TRAPPC9: variants seen among roughly 807,000 people sequenced by gnomAD.
TRAPPC9 encodes trafficking protein particle complex subunit 9.
Under a neutral mutation model 124.0 loss-of-function variants are expected in TRAPPC9, and 83 were observed. The observed-to-expected ratio is 0.67, with a 90% CI of 0.56 to 0.80. The LOEUF (loss-of-function observed/expected upper bound fraction) is 0.80. TRAPPC9 is among the 30% of genes least tolerant of loss of function. The probability of loss-of-function intolerance (pLI) is 0.00; values close to 1 mark genes in which losing one functional copy is unlikely to be tolerated. For missense variants in TRAPPC9, 1,302 were observed against 1,508.3 expected (o/e 0.86, Z 2.27); for synonymous variants, 638 against 617.5 (o/e 1.03, Z -0.49).
At chr8:139,968,471 A>C (rs761978526) in intron 19 of TRAPPC9, among the ~76,000 whole-genome samples, 3 of 152,168 alleles carry the variant, frequency 2.0e-5, no homozygotes. Flanking sequence ...GAACAATGGG[A>C]CTCGGCCGGC....
At chr8:140,432,006 T>C (rs1391294787) in intron 4 of TRAPPC9, among the ~76,000 whole-genome samples, 2 of 152,188 alleles carry the variant, frequency 1.3e-5, no homozygotes, top group African/African-American at 2.4e-5. Context: ...TAAAAATAAC[T>C]AGAATACTTT....
chr8:139,764,695 T>A (rs1327695169), intron 21 of TRAPPC9, among the ~76,000 whole-genome samples: 1 of 152,202 alleles, frequency 6.6e-6, no homozygotes, highest in East Asian at 1.9e-4. Flanking sequence ...GTTGGAGGCG[T>A]CCCTGTCCTG....
intron 19 of TRAPPC9, among the ~76,000 whole-genome samples, chr8:139,967,962 A>C (rs1041697677): frequency 6.6e-6 from 1 of 152,090 alleles, no homozygotes; most frequent in East Asian, 1.9e-4. Flanking sequence ...AACATGGTGA[A>C]ACCCTGTCTC....
chr8:140,094,334 A>C (rs902326165), intron 17 of TRAPPC9, among the ~76,000 whole-genome samples: 1 of 152,206 alleles, frequency 6.6e-6, no homozygotes, highest in Non-Finnish European at 1.5e-5. Context: ...TTGGGTTTCC[A>C]GTAACATGTA....
chr8:139,998,210 T>G (rs1396739519), intron 18 of TRAPPC9, among the ~76,000 whole-genome samples: 1 of 152,242 alleles, frequency 6.6e-6, no homozygotes, highest in African/African-American at 2.4e-5. Flanking sequence ...TCCATATCTA[T>G]TAAAGTATCT....
chr8:139,790,433 G>A lies in TRAPPC9; in HGVS notation c.3056-58231C>T, dbSNP rs371521288. ...GGCACGGACAAGCGTGGGGTATGGG[G>A]TTCGGAGACCACAGCCGGTGCTCAC... On this transcript the variant is annotated intron_variant, in intron 21 of 22. Coordinates refer to ENST00000438773, the MANE Select transcript of TRAPPC9 (RefSeq NM_001160372.4). Among the ~76,000 whole-genome samples the A allele has an allele frequency of 7.2e-5, 11 of 152,326 alleles. No homozygotes were observed. The South Asian group carries it at 1.5e-3, about 20-fold the overall frequency.
intron 5 of TRAPPC9, among the ~76,000 whole-genome samples, chr8:140,409,899 G>A (rs1443703389): frequency 8.5e-5 from 13 of 152,164 alleles, no homozygotes; most frequent in Admixed American, 8.5e-4. Flanking sequence ...CACTTTGGGA[G>A]GCCAAGGAAG....
Position 140,183,408 on chromosome 8 carries a change from G to A in TRAPPC9, c.2556+38051C>T, listed in dbSNP as rs549109829. ...TGATACAATCAAAGGAATCCACTTAGGAAAGAGATGAATGCTATTAAAAAC... is the reference window on the plus strand; with the variant it reads ...TGATACAATCAAAGGAATCCACTTAAGAAAGAGATGAATGCTATTAAAAAC... On this transcript the variant is annotated intron_variant, in intron 17 of 22. Transcript: ENST00000438773. 2.0e-5 allele frequency among the ~76,000 whole-genome samples: 3 copies of A among 152,328 alleles called. No individual in the cohort carries two copies. The East Asian group carries it at 5.8e-4, about 29-fold the overall frequency.
intron 5 of TRAPPC9, among the ~76,000 whole-genome samples, chr8:140,411,735 T>G (rs1258363456): frequency 6.6e-6 from 1 of 152,188 alleles, no homozygotes; most frequent in Non-Finnish European, 1.5e-5. Flanking sequence ...CTTGAAGAGC[T>G]TCCATTGGCC....
chr8:139,953,895 T>C (rs1834817946), intron 19 of TRAPPC9, among the ~76,000 whole-genome samples: 1 of 152,166 alleles, frequency 6.6e-6, no homozygotes, highest in Non-Finnish European at 1.5e-5. Context: ...CCACTACACA[T>C]CTGTTAGAAT....
intron 17 of TRAPPC9, among the ~76,000 whole-genome samples, chr8:140,044,136 C>A (rs1368215939): frequency 6.6e-6 from 1 of 152,180 alleles, no homozygotes; most frequent in Non-Finnish European, 1.5e-5. Context: ...AGGCTGACCC[C>A]AGTGCCATCC....
intron 20 of TRAPPC9, among the ~76,000 whole-genome samples, chr8:139,900,568 T>C (rs752621660): frequency 5.1e-4 from 77 of 152,334 alleles, no homozygotes; most frequent in Non-Finnish European, 9.6e-4. Flanking sequence ...TTAATCAATA[T>C]TTGTACAGAG....
chr8:139,956,076 T>C (rs1422500968), intron 19 of TRAPPC9, among the ~76,000 whole-genome samples: 1 of 152,220 alleles, frequency 6.6e-6, no homozygotes, highest in Non-Finnish European at 1.5e-5. Flanking sequence ...CCAGCTCCGA[T>C]GCTCCTCGTT....
At chr8:140,290,812 C>T (rs1379800256) in intron 12 of TRAPPC9, among the ~76,000 whole-genome samples, 181 bp downstream of exon 12, 1 of 152,102 alleles carries the variant, frequency 6.6e-6, no homozygotes, top group Non-Finnish European at 1.5e-5. Context: ...GAAAACCAAG[C>T]CTAAAGACAC....
intron 9 of TRAPPC9, among the ~76,000 whole-genome samples, chr8:140,349,556 C>CTGCACATCGTGGT (rs1301010038): frequency 2.6e-5 from 4 of 152,260 alleles, no homozygotes; most frequent in African/African-American, 9.6e-5. Flanking sequence ...CTGAGCTGAG[C>CTGCACATCGTGGT]TGCACATCGT....
chr8:139,773,353 G>A (rs1483931543), intron 21 of TRAPPC9, among the ~76,000 whole-genome samples: 2 of 152,264 alleles, frequency 1.3e-5, no homozygotes, highest in African/African-American at 2.4e-5. Context: ...CCCAACGGCT[G>A]CCAGAGGCCC....
chr8:139,738,841 A>C (rs1415065617), intron 21 of TRAPPC9, among the ~76,000 whole-genome samples: 3 of 151,944 alleles, frequency 2.0e-5, no homozygotes, highest in African/African-American at 7.3e-5. Context: ...CCTGGGGCAG[A>C]CGGCACTGGG....
At chr8:139,895,842 T>C (rs1390816146) in intron 20 of TRAPPC9, among the ~76,000 whole-genome samples, 1 of 152,258 alleles carries the variant, frequency 6.6e-6, no homozygotes, top group East Asian at 1.9e-4. Flanking sequence ...CATTTTGGCA[T>C]ATTACTTTCA....
At chr8:140,243,238 C>T (rs1466086743) in intron 16 of TRAPPC9, among the ~76,000 whole-genome samples, 2 of 152,188 alleles carry the variant, frequency 1.3e-5, no homozygotes, top group Non-Finnish European at 2.9e-5. Context: ...GAAAGGATAC[C>T]TGATCCGGAA....
Sources: allele counts gnomAD v4.1 joint callset (sites outside exome capture counted in the v4.1 genomes callset), GRCh38; gene constraint gnomAD v4.1.1; transcripts MANE v1.5; gene names NCBI Gene and HGNC (gene_info 2026-07-23, HGNC 2026-07-21).